Variants in PUDP observed in about 807,000 individuals in gnomAD.
PUDP encodes the protein pseudouridine 5'-phosphatase, also known as pseudouridine-5'-phosphatase.
In PUDP, 8 loss-of-function variants were observed where a neutral mutation model predicts 9.4. The observed-to-expected ratio is 0.85, with a 90% CI of 0.50 to 1.53. The LOEUF is 1.53. Ranked by LOEUF, PUDP falls within the 40% of genes most tolerant of loss-of-function variation. The probability of loss-of-function intolerance (pLI) is 0.00; values close to 1 mark genes in which losing one functional copy is unlikely to be tolerated. For missense variants in PUDP, 188 were observed against 189.7 expected, an observed-to-expected ratio of 0.99 and a Z score of 0.05; for synonymous variants, 99 against 80.7, an observed-to-expected ratio of 1.23 and a Z score of -1.22.
chrX:6,850,364 G>A, intron 3 of PUDP, among the ~76,000 whole-genome samples: 1 of 112,366 alleles, frequency 8.9e-6, no homozygotes, highest in Admixed American at 9.5e-5. Context: ...TAAGATGCAA[G>A]GTTGGAGACA....
chrX:6,710,210 T>A (rs1924516240), intron 1 of PUDP, among the ~76,000 whole-genome samples: 1 of 112,024 alleles, frequency 8.9e-6, no homozygotes, highest in Admixed American at 9.5e-5. Flanking sequence ...CAAAATGTTC[T>A]AATCACTCCC....
At chrX:7,006,363 G>C (rs1929402585) in intron 1 of PUDP, among the ~76,000 whole-genome samples, 1 of 111,814 alleles carries the variant, frequency 8.9e-6, no homozygotes. Context: ...TTTTTGCTTT[G>C]TGTTTGATAG....
At chrX:7,051,010 T>C (rs1305254182) in intron 3 of PUDP, among the ~76,000 whole-genome samples, 1 of 111,742 alleles carries the variant, frequency 8.9e-6, no homozygotes, top group Non-Finnish European at 1.9e-5. Flanking sequence ...TGCTCTCTTT[T>C]GGATAATCGC....
intron 3 of PUDP, among the ~76,000 whole-genome samples, chrX:6,757,697 G>T (rs1279913408): frequency 8.9e-6 from 1 of 112,279 alleles, no homozygotes; most frequent in Non-Finnish European, 1.9e-5. Context: ...ACATTCATTT[G>T]AATGTGAACA....
chrX:6,769,148 C>T (rs1925325360), intron 3 of PUDP, among the ~76,000 whole-genome samples: 1 of 112,350 alleles, frequency 8.9e-6, no homozygotes, highest in Non-Finnish European at 1.9e-5. Flanking sequence ...GTCTGTGTGA[C>T]TCCTCCAACC....
intron 1 of PUDP, among the ~76,000 whole-genome samples, chrX:7,011,567 A>C (rs1339336922): frequency 9.1e-6 from 1 of 109,951 alleles, no homozygotes; most frequent in Non-Finnish European, 1.9e-5. Flanking sequence ...CAAGCCATCT[A>C]CTTATGCACA....
intron 3 of PUDP, among the ~76,000 whole-genome samples, chrX:6,738,337 TGAAG>T (rs1924897801): frequency 9.0e-6 from 1 of 111,560 alleles, no homozygotes; most frequent in Non-Finnish European, 1.9e-5. Context: ...AGAAGTGTTG[TGAAG>T]CTTTATTGGA....
At chrX:6,753,044 T>C (rs758031437) in intron 3 of PUDP, among the ~76,000 whole-genome samples, 1 of 111,093 alleles carries the variant, frequency 9.0e-6, no homozygotes, top group East Asian at 2.8e-4. Context: ...TCTTTAGTGG[T>C]GATTTGTGAG....
intron 3 of PUDP, among the ~76,000 whole-genome samples, chrX:6,845,061 A>G (rs1187992187): frequency 4.5e-5 from 5 of 112,237 alleles, no homozygotes; most frequent in Non-Finnish European, 9.4e-5. Context: ...TAGTCTACTG[A>G]TTCAAATGCT....
intron 1 of PUDP, among the ~76,000 whole-genome samples, chrX:7,142,526 A>G (rs1276544013): frequency 8.9e-6 from 1 of 112,096 alleles, no homozygotes; most frequent in Non-Finnish European, 1.9e-5. Context: ...TGGAGATAAA[A>G]ATCTATTTCT....
chrX:6,724,321 C>A (rs1429513652), upstream of PUDP, among the ~76,000 whole-genome samples: 1 of 110,411 alleles, frequency 9.1e-6, no homozygotes, highest in African/African-American at 3.3e-5. Flanking sequence ...ATAATAAAAC[C>A]ATCTCATTAT....
chrX:7,022,218 A>C (rs1929643112), intron 1 of PUDP, among the ~76,000 whole-genome samples: 1 of 111,584 alleles, frequency 9.0e-6, no homozygotes. Flanking sequence ...CCTGAGGGCA[A>C]AGGTGATGCA....
At chrX:6,795,803 G>A (rs932765022) in intron 3 of PUDP, among the ~76,000 whole-genome samples, 1 of 111,302 alleles carries the variant, frequency 9.0e-6, no homozygotes, top group African/African-American at 3.3e-5. Context: ...TACTCTATTG[G>A]ACTCTTTGAA....
At chrX:7,056,060 C>A (rs966869946) in intron 3 of PUDP, among the ~76,000 whole-genome samples, 8 of 111,899 alleles carry the variant, frequency 7.1e-5, no homozygotes, top group African/African-American at 2.6e-4. Context: ...CCTGTCCCAC[C>A]ATGACTGACC....
chrX:6,878,754 A>AAC (rs10667725), intron 3 of PUDP, among the ~76,000 whole-genome samples: 10,248 of 112,024 alleles, frequency 0.091, 599 homozygotes, highest in East Asian at 0.46. Context: ...TACATCCAGT[A>AAC]ACAGATGGCA....
intron 3 of PUDP, among the ~76,000 whole-genome samples, chrX:6,926,478 G>A (rs1928103404): frequency 8.9e-6 from 1 of 112,120 alleles, no homozygotes; most frequent in Admixed American, 9.5e-5. Context: ...TTCTTGGAAG[G>A]CGCTGTTCTC....
intron 3 of PUDP, among the ~76,000 whole-genome samples, chrX:7,073,394 C>T (rs1468211095): frequency 8.9e-6 from 1 of 112,294 alleles, no homozygotes; most frequent in African/African-American, 3.2e-5. Context: ...ACTACTACTA[C>T]TATGCCTAAT....
intron 1 of PUDP, among the ~76,000 whole-genome samples, chrX:7,042,050 A>C (rs1250089893): frequency 1.9e-5 from 2 of 107,573 alleles, no homozygotes; most frequent in African/African-American, 6.8e-5. Flanking sequence ...GTTGACGTCC[A>C]TGTTCATGTA....
chrX:6,997,875 T>C (rs974436057), intron 1 of PUDP, among the ~76,000 whole-genome samples: 2 of 111,922 alleles, frequency 1.8e-5, no homozygotes, highest in Non-Finnish European at 3.8e-5. Flanking sequence ...TTAAGGATCA[T>C]TGGTGAGTAC....
Sources: allele counts gnomAD v4.1 joint callset (sites outside exome capture counted in the v4.1 genomes callset), GRCh38; gene constraint gnomAD v4.1.1; transcripts MANE v1.5; gene names NCBI Gene and HGNC (gene_info 2026-07-23, HGNC 2026-07-21).